The following MYCBP2 variants were observed in gnomAD, a reference collection of about 807,000 sequenced individuals.
MYCBP2 encodes MYC binding protein 2, also known as E3 ubiquitin-protein ligase MYCBP2.
In MYCBP2, 120 loss-of-function variants were observed where a neutral mutation model predicts 525.3. The observed-to-expected ratio is 0.23, with a 90% CI of 0.20 to 0.27. MYCBP2 has a LOEUF of 0.27. MYCBP2 is among the 10% of genes least tolerant of loss of function. The pLI is 1.00. For synonymous variants in MYCBP2, 1,894 were observed against 1,955.8 expected (o/e 0.97, Z 0.83); for missense variants, 4,149 against 5,657.1 (o/e 0.73, Z 8.55).
At chr13:77,261,471 A>C in intron 11 of MYCBP2, 96 bp from the exon 12 acceptor site, 1 of 914,162 alleles carries the variant, frequency 1.1e-6, no homozygotes, top group South Asian at 1.9e-5. Flanking sequence ...ATTTTATTGA[A>C]AAATAAAATT....
chr13:77,143,754 G>A (rs1247894739), intron 49 of MYCBP2, among the ~76,000 whole-genome samples: 4 of 152,108 alleles, frequency 2.6e-5, no homozygotes, highest in Non-Finnish European at 5.9e-5. Flanking sequence ...AAACCTAGAT[G>A]GTACAGATTA....
chr13:77,102,759 G>A (rs570922963), intron 55 of MYCBP2, among the ~76,000 whole-genome samples: 2 of 151,764 alleles, frequency 1.3e-5, no homozygotes, highest in South Asian at 2.1e-4. Context: ...AAAACTTTAA[G>A]TTCATTATCA....
chr13:77,139,354 A>G lies in MYCBP2; in HGVS notation c.7519-18T>C, dbSNP rs1256803064. ...TTATGGATCTATAGAAAAAAGCAAC[A>G]GAAACAAGCCAGGCCTTCCTGTAAG... On this transcript the variant is annotated intron_variant, in intron 51 of 82. Coordinates refer to ENST00000544440, the MANE Select transcript of MYCBP2 (RefSeq NM_015057.5). 6.2e-7 allele frequency: 1 copy of G among 1,606,786 alleles called. No homozygotes were observed. The highest frequency in any genetic ancestry group is 8.5e-7 in the Non-Finnish European group (1 of 1,175,524).
intron 75 of MYCBP2, 55 bp from the exon 76 acceptor site, chr13:77,061,356 G>T: frequency 7.0e-7 from 1 of 1,423,768 alleles, no homozygotes; most frequent in South Asian, 1.4e-5. Context: ...CTCTGAAAGG[G>T]AGAGTATAAA....
At chr13:77,254,854 C>T (rs1044363057) in intron 14 of MYCBP2, among the ~76,000 whole-genome samples, 8 of 151,358 alleles carry the variant, frequency 5.3e-5, no homozygotes, top group Non-Finnish European at 3.0e-5. Flanking sequence ...TGATATTTGT[C>T]TCTGTCCCTG....
chr13:77,096,036 AC>A (rs749236596), intron 57 of MYCBP2, among the ~76,000 whole-genome samples: 74 of 152,290 alleles, frequency 4.9e-4, no homozygotes, highest in Admixed American at 1.4e-3. Context: ...AGAGAGAATA[AC>A]AGACAATTAA....
chr13:77,125,546 C>A (rs77135978), intron 53 of MYCBP2, 78 bp from the exon 54 acceptor site: 1 of 1,516,958 alleles, frequency 6.6e-7, no homozygotes, highest in African/African-American at 1.4e-5. Context: ...AAAAATCTTA[C>A]GTGTCTGAAT....
At chr13:77,211,110 C>T in intron 23 of MYCBP2, 57 bp downstream of exon 23, 1 of 1,294,456 alleles carries the variant, frequency 7.7e-7, no homozygotes, top group African/African-American at 1.5e-5. Context: ...TTTATATTAC[C>T]ATAAGAGTAT....
rs78228335 is a variant in MYCBP2, at chr13:77,309,082, A to C, written c.303-12408T>G. ...TCTCCTACAGGTTATCTAATCCAAA[A>C]GATTAATTATTTGTCTCCTTCCTTA... On this transcript the variant is annotated intron_variant, in intron 1 of 82. Coordinates refer to ENST00000544440, the MANE Select transcript of MYCBP2 (RefSeq NM_015057.5). Among the ~76,000 whole-genome samples, 974 of 152,340 alleles carry C rather than the reference A, an allele frequency of 6.4e-3. 8 individuals carry two copies. The highest frequency in any genetic ancestry group is 0.022 in the African/African-American group (911 of 41,574).
At chr13:77,285,869 G>GAAAGGAAAGGAAAGC (rs1220102974) in intron 3 of MYCBP2, among the ~76,000 whole-genome samples, 1 of 30,636 alleles carries the variant, frequency 3.3e-5, no homozygotes, top group Non-Finnish European at 2.0e-4. Flanking sequence ...GAAAGGAAAG[G>GAAAGGAAAGGAAAGC]AAAGGAAAGG....
intron 55 of MYCBP2, among the ~76,000 whole-genome samples, chr13:77,104,305 G>A (rs1266049089): frequency 6.6e-6 from 1 of 152,048 alleles, no homozygotes; most frequent in Non-Finnish European, 1.5e-5. Flanking sequence ...CATAAATTAA[G>A]AAATCATTCA....
intron 55 of MYCBP2, among the ~76,000 whole-genome samples, chr13:77,114,603 G>C (rs1255440080): frequency 6.6e-6 from 1 of 151,992 alleles, no homozygotes; most frequent in Non-Finnish European, 1.5e-5. Flanking sequence ...TCCCACATAA[G>C]AATGTGACTT....
At chr13:77,243,391 T>C (rs56688388) in intron 16 of MYCBP2, among the ~76,000 whole-genome samples, 3,325 of 152,252 alleles carry the variant, frequency 0.022, 114 homozygotes, top group African/African-American at 0.076. Flanking sequence ...GGTGGGCAGA[T>C]CACCTGAGGT....
At position 77,077,216 on chromosome 13, in the gene MYCBP2, C is replaced by T. The variant is rs1165197321; in HGVS notation, c.11656G>A (p.Ala3886Thr). The T allele has an allele frequency of 1.9e-6, 3 of 1,614,070 alleles. No individual in the cohort carries two copies. In the South Asian group the frequency reaches 3.3e-5, roughly 18 times the overall value. Residue 3886 changes from alanine (A) to threonine (T), a missense_variant, in exon 67 of 83, where the codon GCC becomes ACC. Physicochemically the swap from Ala to Thr is moderately conservative, Grantham distance 58. Coordinates refer to ENST00000544440, the MANE Select transcript of MYCBP2 (RefSeq NM_015057.5). The part of the protein sequence containing the change: ...ESTKIAGQIS[A>T]SVAQQRNCEA... The stretch of plus-strand genomic sequence containing the variant: ...CAGTTCCTCTGCTGGGCCACACTGG[C>T]TGAAATCTGGCCAGCTATTTTTGTG...
intron 30 of MYCBP2, among the ~76,000 whole-genome samples, chr13:77,187,454 A>AT (rs2060835268): frequency 6.6e-6 from 1 of 152,238 alleles, no homozygotes; most frequent in Non-Finnish European, 1.5e-5. Flanking sequence ...AAGTATGCAC[A>AT]TAAGTACACA....
intron 21 of MYCBP2, among the ~76,000 whole-genome samples, chr13:77,216,030 T>G (rs1489817206): frequency 6.6e-6 from 1 of 152,258 alleles, no homozygotes; most frequent in Admixed American, 6.5e-5. Flanking sequence ...CTTGGAGAAA[T>G]GGCTGATTCT....
intron 47 of MYCBP2, among the ~76,000 whole-genome samples, chr13:77,150,083 G>A (rs533074639): frequency 2.0e-5 from 3 of 151,962 alleles, no homozygotes; most frequent in African/African-American, 7.3e-5. Flanking sequence ...TTGATAATTC[G>A]GATTAACATT....
At chr13:77,103,028 T>C (rs1045217035) in intron 55 of MYCBP2, among the ~76,000 whole-genome samples, 6 of 152,040 alleles carry the variant, frequency 3.9e-5, no homozygotes, top group Non-Finnish European at 5.9e-5. Flanking sequence ...GGATAATCTA[T>C]ATTATAATAC....
At chr13:77,064,839 T>C in intron 72 of MYCBP2, 105 bp from the exon 73 acceptor site, 1 of 1,114,200 alleles carries the variant, frequency 9.0e-7, no homozygotes. Context: ...TATTTGTTTT[T>C]AGTGAGACCA....
Sources: allele counts gnomAD v4.1 joint callset (sites outside exome capture counted in the v4.1 genomes callset), GRCh38; gene constraint gnomAD v4.1.1; transcripts MANE v1.5; gene names NCBI Gene and HGNC (gene_info 2026-07-23, HGNC 2026-07-21).